APEH: variants seen among roughly 807,000 people sequenced by gnomAD.
APEH encodes the protein acylamino-acid-releasing enzyme.
In APEH, 75 loss-of-function variants were observed where a neutral mutation model predicts 102.7. The observed-to-expected ratio is 0.73, with a 90% CI of 0.61 to 0.89. The LOEUF (loss-of-function observed/expected upper bound fraction) is 0.89, where lower values mean the gene tolerates loss of function less well. Ranked by LOEUF, APEH falls within the 40% of genes least tolerant of loss-of-function variation. The probability of loss-of-function intolerance (pLI) is 0.00; values close to 1 mark genes in which losing one functional copy is unlikely to be tolerated. For synonymous variants in APEH, 344 were observed against 362.7 expected (o/e 0.95, Z 0.59); for missense variants, 863 against 941.2 (o/e 0.92, Z 1.09).
At position 49,676,900 on chromosome 3, in the gene APEH, C is replaced by T; in HGVS notation, c.878-3C>T. ...GTGATGCTCATGTTTCCATCTGGCC[C>T]AGAGCTCCTCTCGGATGACTCCCTG... On this transcript the variant is annotated splice_polypyrimidine_tract_variant and splice_region_variant and intron_variant, in intron 9 of 21. Coordinates refer to ENST00000296456, the MANE Select transcript of APEH (RefSeq NM_001640.4). The T allele has an allele frequency of 6.2e-7, 1 of 1,614,230 alleles. No homozygotes were observed. The highest frequency in any genetic ancestry group is 8.5e-7 in the Non-Finnish European group (1 of 1,180,038).
chr3:49,682,584 T>A lies in APEH; in HGVS notation c.1731T>A (p.Asp577Glu). Residue 577 changes from aspartate (D) to glutamate (E), a missense_variant, in exon 19 of 22, where the codon GAT (aspartate) becomes GAA (glutamate). Coordinates refer to ENST00000296456, the MANE Select transcript of APEH (RefSeq NM_001640.4). Reference protein sequence around the residue: ...VEQVLQEEHFDASHVALMGGS... With the variant: ...VEQVLQEEHFEASHVALMGGS... ...AGGTGCTCCAGGAGGAACACTTTGA[T>A]GCAAGCCATGTGGCCCTTATGGGTG... The A allele has an allele frequency of 3.7e-6, 6 of 1,614,176 alleles. No homozygotes were observed. The South Asian group carries it at 6.6e-5, about 18-fold the overall frequency.
chr3:49,680,710 AGTCTGACCTGGCTG>A (rs1410311276), intron 14 of APEH, 81 bp downstream of exon 14: 3 of 1,282,826 alleles, frequency 2.3e-6, no homozygotes, highest in Non-Finnish European at 3.4e-6. Context: ...TTGGCCCCAG[AGTCTGACCTGGCTG>A]GTCAGCATAC....
rs2053272165 is a variant in APEH, at chr3:49,680,578, C to G, written c.1248C>G (p.Asp416Glu). 1 of 1,614,016 alleles carries G rather than the reference C, an allele frequency of 6.2e-7. No homozygotes were observed. Among genetic ancestry groups the G allele is most frequent in the Non-Finnish European group, 8.5e-7 (1 of 1,180,040 alleles). Residue 416 changes from aspartate to glutamate, a missense_variant, in exon 14 of 22, where the codon GAC (aspartate) becomes GAG (glutamate). Asp to Glu is a conservative substitution (Grantham distance 45, BLOSUM62 2). Transcript: ENST00000296456. ...SGGSWKLLTI[D>E]QDLMVAQFST... ...GGAGCTGGAAGTTGCTCACAATTGA[C>G]CAGGACCTCATGGTGGCACAGTTTT... is the stretch of plus-strand genomic sequence containing the variant.
intron 11 of APEH, 152 bp downstream of exon 11, chr3:49,677,785 G>A (rs1013844318): frequency 1.3e-6 from 1 of 775,074 alleles, no homozygotes; most frequent in East Asian, 2.6e-5. Context: ...TCCTCAGGGA[G>A]CGGGGCTGTC....
intron 3 of APEH, 155 bp downstream of exon 3, chr3:49,675,464 C>A: frequency 1.7e-6 from 2 of 1,183,242 alleles, no homozygotes; most frequent in Non-Finnish European, 2.4e-6. Context: ...GCCTGATAAG[C>A]ACTGGAAGCT....
At chr3:49,680,440 C>A in intron 13 of APEH, 101 bp from the exon 14 acceptor site, 3 of 1,081,232 alleles carry the variant, frequency 2.8e-6, no homozygotes, top group African/African-American at 1.6e-5. Flanking sequence ...GAGAAAAGGG[C>A]ACCTTTCCAT....
At chr3:49,674,461 G>A in intron 1 of APEH, 28 bp from the exon 2 acceptor site, 4 of 1,569,734 alleles carry the variant, frequency 2.5e-6, no homozygotes, top group Non-Finnish European at 3.4e-6. Flanking sequence ...CCCGGGCCGG[G>A]CCTGACCCTG....
At position 49,676,824 on chromosome 3, in the gene APEH, G is replaced by A; in HGVS notation, c.877+7G>A. 1 of 1,614,254 alleles carries A rather than the reference G, an allele frequency of 6.2e-7. No homozygotes were observed. The highest frequency in any genetic ancestry group is 8.5e-7 in the Non-Finnish European group (1 of 1,180,042). ...CTCATCGGGGGGAAGTGTGGTAAGT[G>A]GCTGATGCCCACCTGTGCTTTGCTG... On this transcript the variant is annotated splice_region_variant and intron_variant, in intron 9 of 21. Coordinates refer to ENST00000296456, the MANE Select transcript of APEH (RefSeq NM_001640.4).
At position 49,683,297 on chromosome 3, in the gene APEH, C is replaced by T. The variant is rs34834894; in HGVS notation, c.2154C>T (p.Ser718=). ...ALSEVEVESD[S]FMNAVLWLRT... ...CAGAGGTGGAGGTGGAGTCAGACAG[C>T]TTCATGAATGCTGTGCTCTGGCTAC... Residue 718 remains serine (S), a synonymous_variant, in exon 22 of 22, where the codon AGC becomes AGT. Transcript: ENST00000296456. 1.2e-3 allele frequency: 1,894 copies of T among 1,614,024 alleles called. 17 individuals are homozygous for T. In the African/African-American group the frequency reaches 0.018, roughly 15 times the overall value.
chr3:49,681,630 C>T (rs2053322711), intron 15 of APEH, 92 bp from the exon 16 acceptor site: 1 of 1,221,754 alleles, frequency 8.2e-7, no homozygotes, highest in African/African-American at 1.5e-5. Flanking sequence ...GTCTCTGACC[C>T]AGAGGTCAGC....
upstream of APEH, chr3:49,673,909 A>G (rs1016065693): frequency 6.0e-6 from 1 of 166,642 alleles, no homozygotes; most frequent in Non-Finnish European, 1.3e-5. Flanking sequence ...CTTCATCCTC[A>G]AAGACTCATT....
upstream of APEH, among the ~76,000 whole-genome samples, chr3:49,673,801 C>CCTCACCCTCACG (rs1553671752): frequency 4.1e-5 from 6 of 145,580 alleles, no homozygotes; most frequent in African/African-American, 7.7e-5. Flanking sequence ...CAACCCTCAC[C>CCTCACCCTCACG]CTCACGCTCA....
Position 49,683,508 on chromosome 3 carries a change from G to T in APEH, c.*166G>T. On this transcript the variant is annotated 3_prime_UTR_variant, in exon 22 of 22. Coordinates refer to ENST00000296456, the MANE Select transcript of APEH (RefSeq NM_001640.4). ...CATAATAAATTAGGACACAGAGCCT[G>T]GTTCCTGCTGGTACTTTGTACCAAA... The T allele has an allele frequency of 1.6e-6, 1 of 625,808 alleles. No individual in the cohort carries two copies. The highest frequency in any genetic ancestry group is 2.8e-6 in the Non-Finnish European group (1 of 357,128). 38.8% of individuals were successfully genotyped at this position (625,808 alleles called of 1,614,324 possible).
At chr3:49,674,009 C>G (rs937721278), upstream of APEH, 1 of 316,210 alleles carries the variant, frequency 3.2e-6, no homozygotes, top group Non-Finnish European at 5.9e-6. Context: ...CCCCTCAACC[C>G]CTTCTCTCGT....
In APEH at chr3:49,683,121, C is replaced by T. The variant is rs539638049; in HGVS notation, c.2068C>T (p.Leu690Phe). The change falls in exon 21 of 22, where the codon CTC (leucine) becomes TTC (phenylalanine). Residue 690 changes from leucine to phenylalanine, a missense_variant. Physicochemically the swap from Leu to Phe is conservative, Grantham distance 22. Coordinates refer to ENST00000296456, the MANE Select transcript of APEH (RefSeq NM_001640.4). ...FKQGMEYYRALKTRNVPVRLL... is the reference protein window; with the variant it reads ...FKQGMEYYRAFKTRNVPVRLL... ...GCAGGGCATGGAGTATTACCGTGCC[C>T]TCAAGACCCGGAATGTGCCTGTTCG... 1.4e-5 allele frequency: 22 copies of T among 1,613,984 alleles called. No homozygotes were observed. Among genetic ancestry groups the T allele is most frequent in the African/African-American group, 2.7e-5 (2 of 74,930 alleles).
At position 49,676,590 on chromosome 3, in the gene APEH, C is replaced by G. The variant is rs370834584; in HGVS notation, c.745-19C>G. 48 of 1,614,118 alleles carry G rather than the reference C, an allele frequency of 3.0e-5. No homozygotes were observed. Among genetic ancestry groups the G allele is most frequent in the Non-Finnish European group, 4.0e-5 (47 of 1,180,042 alleles). On this transcript the variant is annotated intron_variant, in intron 7 of 21. Coordinates refer to ENST00000296456, the MANE Select transcript of APEH (RefSeq NM_001640.4). ...GCTACCACCCCTTGCTCACTCCTGCCCTTTGATCCTGTTTACAGGCATTTT... is the reference window on the plus strand; with the variant it reads ...GCTACCACCCCTTGCTCACTCCTGCGCTTTGATCCTGTTTACAGGCATTTT...
chr3:49,681,774 G>T lies in APEH; in HGVS notation c.1491G>T (p.Lys497Asn), dbSNP rs1192565708. ...TGCAGCCTGGCAGCCCTCCAGATAA[G>T]ACCCAAGTGCCCATGGTGGTCATGC... The part of the protein sequence containing the change: ...ILLQPGSPPD[K>N]TQVPMVVMPH... The change falls in exon 16 of 22, where the codon AAG becomes AAT. Residue 497 changes from lysine to asparagine, a missense_variant. Transcript: ENST00000296456. The T allele has an allele frequency of 6.2e-7, 1 of 1,610,488 alleles. No individual in the cohort carries two copies.
intron 17 of APEH, 66 bp downstream of exon 17, chr3:49,682,033 G>A: frequency 6.6e-7 from 1 of 1,521,360 alleles, no homozygotes; most frequent in Non-Finnish European, 9.1e-7. Flanking sequence ...GACCTGGTTT[G>A]TATAAGTACC....
intron 11 of APEH, 47 bp from the exon 12 acceptor site, chr3:49,678,805 C>T: frequency 1.3e-6 from 2 of 1,489,624 alleles, no homozygotes; most frequent in Non-Finnish European, 1.9e-6. Flanking sequence ...AGACTACCCT[C>T]CCTACCTCCA....
Sources: gnomAD v4.1 joint callset for allele counts (sites outside exome capture counted in the v4.1 genomes callset) on GRCh38, gnomAD v4.1.1 for gene constraint, MANE v1.5 for transcripts, NCBI Gene and HGNC (gene_info 2026-07-23, HGNC 2026-07-21) for gene names.